The following TM9SF2 variants were observed in gnomAD, a reference collection of about 807,000 sequenced individuals.
The protein encoded by TM9SF2 is 76 kDa membrane protein.
In TM9SF2, 13 loss-of-function variants were observed where a neutral mutation model predicts 84.9. The observed-to-expected ratio is 0.15, with a 90% CI of 0.10 to 0.24. TM9SF2 has a LOEUF of 0.24. Among genes scored for constraint, TM9SF2 ranks in the 10% least tolerant of loss-of-function variants. The pLI is 1.00. For missense variants in TM9SF2, 562 were observed against 818.5 expected (o/e 0.69, Z 3.82); for synonymous variants, 273 against 285.8 (o/e 0.96, Z 0.45).
In TM9SF2 at chr13:99,529,479, A is replaced by G. The variant is rs1230226196; in HGVS notation, c.346A>G (p.Lys116Glu). The G allele has an allele frequency of 6.4e-7, 1 of 1,561,304 alleles. No homozygotes were observed. The highest frequency in any genetic ancestry group is 1.2e-5 in the South Asian group (1 of 80,992). Residue 116 changes from lysine (K) to glutamate (E), a missense_variant, in exon 4 of 17, where the codon AAG becomes GAG. Around this residue, in one of 4 missense-constraint regions of TM9SF2, gnomAD observed 267 missense variants for 316.7 expected, o/e 0.84. Coordinates refer to ENST00000376387, the MANE Select transcript of TM9SF2 (RefSeq NM_004800.3). ...CCTTTTAATACAGTTTACGTTTAAT[A>G]AGAAGGAGACCTGTAAGCTTGTTTG... The part of the protein sequence containing the change: ...EPSPYKFTFN[K>E]KETCKLVCTK...
At chr13:99,508,277 T>A (rs2046096783) in intron 1 of TM9SF2, among the ~76,000 whole-genome samples, 1 of 152,154 alleles carries the variant, frequency 6.6e-6, no homozygotes. Context: ...TGAAGTTCTT[T>A]CTAGTCACAT....
rs1002644395 is a variant in TM9SF2, at chr13:99,547,126, T to G, written c.1270+22T>G. 4 of 1,613,314 alleles carry G rather than the reference T, an allele frequency of 2.5e-6. No individual in the cohort carries two copies. The African/African-American group carries it at 5.3e-5, about 22-fold the overall frequency. ...AAGTGTAAGTCAAAGCCACTGTGAC[T>G]GGCGTCTGATCAGGAAGGGACTCTG... is the stretch of plus-strand genomic sequence containing the variant. On this transcript the variant is annotated intron_variant, in intron 11 of 16. Transcript: ENST00000376387.
chr13:99,543,839 G>A (rs370316019), intron 9 of TM9SF2, 24 bp from the exon 10 acceptor site: 43 of 1,611,760 alleles, frequency 2.7e-5, no homozygotes, highest in South Asian at 8.8e-5. Context: ...TGAGACAATC[G>A]AACTGATTTC....
chr13:99,508,947 A>G (rs2046101502), intron 1 of TM9SF2, among the ~76,000 whole-genome samples: 2 of 152,160 alleles, frequency 1.3e-5, no homozygotes, highest in Admixed American at 1.3e-4. Context: ...TCCTTCTTAT[A>G]TTGCAAAATA....
chr13:99,559,706 A>G (rs2046336756), intron 16 of TM9SF2, among the ~76,000 whole-genome samples, 172 bp downstream of exon 16: 1 of 152,204 alleles, frequency 6.6e-6, no homozygotes, highest in African/African-American at 2.4e-5. Flanking sequence ...TTGCATAAAG[A>G]TGATGAAACA....
chr13:99,523,208 T>C (rs1406445138), intron 3 of TM9SF2, among the ~76,000 whole-genome samples: 1 of 152,192 alleles, frequency 6.6e-6, no homozygotes, highest in Non-Finnish European at 1.5e-5. Flanking sequence ...CGCTGTGGCC[T>C]GGGCTGGGCC....
chr13:99,547,068 A>G lies in TM9SF2; in HGVS notation c.1234A>G (p.Thr412Ala), dbSNP rs2046285845. Reference sequence around the variant, plus strand: ...TGTGGTCCTGTGGGTGCTGCTGGGCACCCCTGCAGGCTATGTTGCTGCCAG... The same window carrying G: ...TGTGGTCCTGTGGGTGCTGCTGGGCGCCCCTGCAGGCTATGTTGCTGCCAG... Reference protein sequence around the residue: ...CAVVLWVLLGTPAGYVAARFY... With the variant: ...CAVVLWVLLGAPAGYVAARFY... The change falls in exon 11 of 17, where the codon ACC becomes GCC. Residue 412 changes from threonine (T) to alanine (A), a missense_variant. Physicochemically the swap from Thr to Ala is moderately conservative, Grantham distance 58. This residue lies in a region of TM9SF2 where 219 missense variants were observed against 338.1 expected (regional missense o/e 0.65). Transcript: ENST00000376387. 1 of 1,614,010 alleles carries G rather than the reference A, an allele frequency of 6.2e-7. No individual in the cohort carries two copies. Among genetic ancestry groups the G allele is most frequent in the East Asian group, 2.2e-5 (1 of 44,876 alleles).
chr13:99,539,665 A>G lies in TM9SF2; in HGVS notation c.828+108A>G, dbSNP rs2046250002. 5.4e-6 allele frequency: 4 copies of G among 742,544 alleles called. No individual in the cohort carries two copies. The South Asian group carries it at 6.8e-5, about 13-fold the overall frequency. The allele number at this position is 742,544 out of a possible 1,614,324, so 46.0% of individuals were successfully genotyped here. ...ATGCTTGTCAAATAAAGAAGCTATTAATGAGCTGATTTTTAGGATAGTTTG... is the reference window on the plus strand; with the variant it reads ...ATGCTTGTCAAATAAAGAAGCTATTGATGAGCTGATTTTTAGGATAGTTTG... On this transcript the variant is annotated intron_variant, in intron 7 of 16. Transcript: ENST00000376387.
At chr13:99,507,853 G>T (rs982369403) in intron 1 of TM9SF2, among the ~76,000 whole-genome samples, 5 of 152,150 alleles carry the variant, frequency 3.3e-5, no homozygotes, top group African/African-American at 9.7e-5. Flanking sequence ...AAATCCAGTT[G>T]TAAGTGTGGG....
At chr13:99,519,912 AT>A (rs1279199150) in intron 2 of TM9SF2, 123 bp from the exon 3 acceptor site, 1 of 715,740 alleles carries the variant, frequency 1.4e-6, no homozygotes, top group East Asian at 2.8e-5. Flanking sequence ...GTATGGATAG[AT>A]TTCTTACTCA....
At chr13:99,554,777 T>C (rs1343890482) in intron 14 of TM9SF2, among the ~76,000 whole-genome samples, 1 of 152,212 alleles carries the variant, frequency 6.6e-6, no homozygotes. Context: ...AATTTGCTTG[T>C]GTTACACAGC....
chr13:99,524,964 A>G (rs7983478), intron 3 of TM9SF2, among the ~76,000 whole-genome samples: 3,765 of 151,976 alleles, frequency 0.025, 162 homozygotes, highest in African/African-American at 0.086. Flanking sequence ...TGTGGTCCCC[A>G]GAGGCCGAGG....
At chr13:99,537,956 G>T in intron 6 of TM9SF2, 93 bp downstream of exon 6, 1 of 1,445,742 alleles carries the variant, frequency 6.9e-7, no homozygotes, top group South Asian at 1.4e-5. Context: ...TTAATATTCT[G>T]ACATTTCAGG....
chr13:99,549,263 CAT>C, intron 12 of TM9SF2, 41 bp downstream of exon 12: 2 of 1,538,244 alleles, frequency 1.3e-6, no homozygotes, highest in Non-Finnish European at 9.0e-7. Flanking sequence ...AACATAGTTA[CAT>C]GTTAGTCCCC....
intron 12 of TM9SF2, among the ~76,000 whole-genome samples, chr13:99,550,742 C>A (rs774449331): frequency 6.6e-6 from 1 of 151,930 alleles, no homozygotes; most frequent in African/African-American, 2.4e-5. Flanking sequence ...AGTAAAATGG[C>A]CTTTGATAAT....
chr13:99,511,658 G>A (rs2044918703), intron 1 of TM9SF2, among the ~76,000 whole-genome samples: 1 of 152,174 alleles, frequency 6.6e-6, no homozygotes, highest in Non-Finnish European at 1.5e-5. Flanking sequence ...AGAAAAGGAA[G>A]AATAAAAGTG....
intron 10 of TM9SF2, 99 bp from the exon 11 acceptor site, chr13:99,546,886 A>AT (rs2046284877): frequency 1.3e-6 from 2 of 1,537,224 alleles, no homozygotes; most frequent in Admixed American, 1.9e-5. Context: ...GTGAAGTTGT[A>AT]TTTTTTTCTT....
Position 99,537,722 on chromosome 13 carries a change from T to C in TM9SF2, c.592-17T>C. 1 of 1,584,398 alleles carries C rather than the reference T, an allele frequency of 6.3e-7. No individual in the cohort carries two copies. Among genetic ancestry groups the C allele is most frequent in the Non-Finnish European group, 8.5e-7 (1 of 1,171,792 alleles). On this transcript the variant is annotated splice_polypyrimidine_tract_variant and intron_variant, in intron 5 of 16. Transcript: ENST00000376387. ...TAGTCAGTTTTCTACCTTTAACTTT[T>C]AAGTTCTGTTCTGCAGTCAGATTTC...
chr13:99,505,368 G>A (rs1185622277), intron 1 of TM9SF2, among the ~76,000 whole-genome samples: 3 of 152,138 alleles, frequency 2.0e-5, no homozygotes, highest in Non-Finnish European at 1.5e-5. Flanking sequence ...GGCCAGGCTT[G>A]TCTCGAACTC....
Sources: gnomAD v4.1 joint callset for allele counts (sites outside exome capture counted in the v4.1 genomes callset) on GRCh38, gnomAD v4.1.1 for gene constraint, gnomAD v4.1.1 regional missense constraint, MANE v1.5 for transcripts, NCBI Gene and HGNC (gene_info 2026-07-23, HGNC 2026-07-21) for gene names.